SBF1: variants seen among roughly 807,000 people sequenced by gnomAD.
The protein encoded by SBF1 is myotubularin-related protein 5.
In SBF1, 65 loss-of-function variants were observed where a neutral mutation model predicts 215.8. The ratio of observed to expected loss-of-function variants is 0.30; its 90% CI spans 0.25 to 0.37. The LOEUF (loss-of-function observed/expected upper bound fraction) is 0.37. Ranked by LOEUF, SBF1 falls within the 10% of genes least tolerant of loss-of-function variation. The pLI is 1.00. For synonymous variants in SBF1, 1,410 were observed against 1,122.8 expected (o/e 1.26, Z -5.11); for missense variants, 2,634 against 2,667.8 (o/e 0.99, Z 0.28).
intron 28 of SBF1, among the ~76,000 whole-genome samples, 163 bp downstream of exon 28, chr22:50,459,092 G>A (rs532860960): frequency 2.0e-5 from 3 of 152,162 alleles, no homozygotes; most frequent in Non-Finnish European, 2.9e-5. Flanking sequence ...CAGGCTTCCC[G>A]CCCCTGCCCC....
intron 36 of SBF1, among the ~76,000 whole-genome samples, chr22:50,449,591 G>T (rs1173523863): frequency 1.3e-5 from 2 of 150,396 alleles, no homozygotes; most frequent in Non-Finnish European, 2.9e-5. Context: ...CTCCAGCCTG[G>T]GCGGCAAAGT....
At chr22:50,449,104 G>T (rs903202075) in intron 36 of SBF1, among the ~76,000 whole-genome samples, 1 of 152,012 alleles carries the variant, frequency 6.6e-6, no homozygotes, top group Non-Finnish European at 1.5e-5. Context: ...CCTGGGAGGC[G>T]GAGGTTGCGG....
In SBF1 at chr22:50,470,261, T is replaced by C. The variant is rs1023025941; in HGVS notation, c.56-1800A>G. 2.6e-4 allele frequency among the ~76,000 whole-genome samples: 39 copies of C among 152,068 alleles called. 1 individual carries two copies. The highest frequency in any genetic ancestry group is 1.3e-4 in the Non-Finnish European group (9 of 67,984). On this transcript the variant is annotated intron_variant, in intron 1 of 40. Coordinates refer to ENST00000380817, the MANE Select transcript of SBF1 (RefSeq NM_002972.4). ...AGCAGGTGGAGGAAGGAAGAGGGGT[T>C]TATGAACAGGGACAGCAGTCTCTGC... is the stretch of plus-strand genomic sequence containing the variant.
chr22:50,467,477 G>C (rs577935208), intron 4 of SBF1, 29 bp from the exon 5 acceptor site: 4 of 1,613,806 alleles, frequency 2.5e-6, no homozygotes, highest in Non-Finnish European at 3.4e-6. Context: ...GGAGTGGTGG[G>C]ACAGCCGATG....
intron 28 of SBF1, 108 bp downstream of exon 28, chr22:50,459,147 A>G (rs917291103): frequency 4.3e-5 from 62 of 1,436,590 alleles, no homozygotes; most frequent in Non-Finnish European, 5.5e-5. Context: ...CCAAACATCC[A>G]TGACCAGCGC....
intron 19 of SBF1, 32 bp from the exon 20 acceptor site, chr22:50,462,151 C>A (rs372857166): frequency 1.2e-6 from 2 of 1,609,526 alleles, no homozygotes; most frequent in African/African-American, 1.3e-5. Flanking sequence ...GGGCATGGGC[C>A]CTGCCCACCA....
Position 50,461,194 on chromosome 22 carries a change from G to A in SBF1, c.2932C>T (p.Gln978Ter), listed in dbSNP as rs1556425105. The change falls in exon 23 of 41, where the codon CAG becomes TAG. Residue 978 changes from glutamine to a stop codon, truncating the protein, a stop_gained. Coordinates refer to ENST00000380817, the MANE Select transcript of SBF1 (RefSeq NM_002972.4). LOFTEE classifies it high-confidence loss of function. The stretch of plus-strand genomic sequence containing the variant: ...CAGGAGCGCAGCTGGAGCCCGTCCT[G>A]CAGGAGCTGGTCCACAGGGGTCTGG... ...SVQTPVDQLL[Q>*]DGLQLRSCTF... The A allele has an allele frequency of 6.2e-7, 1 of 1,610,392 alleles. No homozygotes were observed. Among genetic ancestry groups the A allele is most frequent in the Non-Finnish European group, 8.5e-7 (1 of 1,178,118 alleles).
chr22:50,446,944 G>T lies in SBF1; in HGVS notation c.*198C>A. Reference sequence around the variant, plus strand: ...TACCTTGGCCACCTCCCGGCACGGTGCTCAGCTGTGACGCCAAAATAAGTT... The same window carrying T: ...TACCTTGGCCACCTCCCGGCACGGTTCTCAGCTGTGACGCCAAAATAAGTT... On this transcript the variant is annotated 3_prime_UTR_variant, in exon 41 of 41. Coordinates refer to ENST00000380817, the MANE Select transcript of SBF1 (RefSeq NM_002972.4). The T allele has an allele frequency of 1.4e-6, 1 of 708,826 alleles. No homozygotes were observed. Among genetic ancestry groups the T allele is most frequent in the Non-Finnish European group, 2.6e-6 (1 of 390,774 alleles). The allele number at this position is 708,826 out of a possible 1,614,324, so 43.9% of individuals were successfully genotyped here. A position where few individuals can be genotyped will look rare whatever the true frequency, so the allele number is the denominator to read the frequency against.
chr22:50,465,585 C>A (rs995518915), intron 10 of SBF1, among the ~76,000 whole-genome samples, 178 bp downstream of exon 10: 1 of 152,240 alleles, frequency 6.6e-6, no homozygotes, highest in African/African-American at 2.4e-5. Context: ...GCCTCGCCTG[C>A]ACCACTCACG....
intron 16 of SBF1, 43 bp from the exon 17 acceptor site, chr22:50,462,981 G>A (rs1464661130): frequency 1.9e-6 from 3 of 1,564,574 alleles, no homozygotes; most frequent in Non-Finnish European, 2.6e-6. Context: ...TCCCCTCCCA[G>A]GCAGCACTCA....
At chr22:50,456,754 G>C (rs1021167729) in intron 29 of SBF1, 81 bp from the exon 30 acceptor site, 48 of 1,258,976 alleles carry the variant, frequency 3.8e-5, no homozygotes, top group Non-Finnish European at 4.6e-5. Flanking sequence ...GGCCTCCAGG[G>C]AGGGGGCTGA....
At chr22:50,453,363 C>T (rs1603430896) in intron 36 of SBF1, among the ~76,000 whole-genome samples, 2 of 152,204 alleles carry the variant, frequency 1.3e-5, no homozygotes, top group Non-Finnish European at 2.9e-5. Context: ...CCATGACTCC[C>T]GTACTCCCCC....
chr22:50,450,923 C>T (rs556953581), intron 36 of SBF1, among the ~76,000 whole-genome samples: 50 of 152,324 alleles, frequency 3.3e-4, no homozygotes, highest in Admixed American at 3.1e-3. Flanking sequence ...GCTTGGGCAA[C>T]ATGGCAAGAC....
In SBF1 at chr22:50,462,881, C is replaced by A. The variant is rs781252590; in HGVS notation, c.1957G>T (p.Ala653Ser). Residue 653 changes from alanine (A) to serine (S), a missense_variant, in exon 17 of 41, where the codon GCC becomes TCC. Transcript: ENST00000380817. The stretch of plus-strand genomic sequence containing the variant: ...ATGCCAGCACTCACCCGGCAGAAGG[C>A]TGTGACCAGAGGCAGCAGAGCCGCC... Reference protein sequence around the residue: ...IAAALLPLVTAFCRKLSPGVT... With the variant: ...IAAALLPLVTSFCRKLSPGVT... 2.5e-6 allele frequency: 4 copies of A among 1,613,050 alleles called. No individual in the cohort carries two copies. The highest frequency in any genetic ancestry group is 3.4e-6 in the Non-Finnish European group (4 of 1,179,942).
Position 50,464,868 on chromosome 22 carries a change from T to G in SBF1, c.1382A>C (p.Gln461Pro), listed in dbSNP as rs369893426. 1 of 1,613,634 alleles carries G rather than the reference T, an allele frequency of 6.2e-7. No homozygotes were observed. Among genetic ancestry groups the G allele is most frequent in the Non-Finnish European group, 8.5e-7 (1 of 1,179,996 alleles). ...TTCCTGGACGTGACGCAGGACACGC[T>G]GGGGGTGGTTCTCATCCGCCCGCAT... ...ARMRADENHP[Q>P]RVLRHVQELA... Residue 461 changes from glutamine (Q) to proline (P), a missense_variant, in exon 13 of 41, where the codon CAG (glutamine) becomes CCG (proline). Gln to Pro is a moderately conservative substitution (Grantham distance 76). Transcript: ENST00000380817.
rs114026853 is a variant in SBF1, at chr22:50,456,970, T to C, written c.3904+64A>G. The stretch of plus-strand genomic sequence containing the variant: ...GACATTAGTGCCCGCAATAACTCAG[T>C]GCACACTAGAGGCCGCCAGCACCAA... On this transcript the variant is annotated intron_variant, in intron 29 of 40. Transcript: ENST00000380817. 2,118 of 1,289,790 alleles carry C rather than the reference T, an allele frequency of 1.6e-3. 44 individuals carry two copies. The African/African-American group carries it at 0.028, about 17-fold the overall frequency. The allele number at this position is 1,289,790 out of a possible 1,614,324, so 79.9% of individuals were successfully genotyped here. A position where few individuals can be genotyped will look rare whatever the true frequency, so the allele number is the denominator to read the frequency against.
At chr22:50,458,602 C>T (rs1392989825) in intron 28 of SBF1, among the ~76,000 whole-genome samples, 1 of 152,256 alleles carries the variant, frequency 6.6e-6, no homozygotes, top group African/African-American at 2.4e-5. Context: ...AACAAAACCA[C>T]TTCTGAACTA....
chr22:50,461,455 G>T, intron 22 of SBF1, 68 bp downstream of exon 22: 5 of 1,517,792 alleles, frequency 3.3e-6, no homozygotes, highest in Non-Finnish European at 3.5e-6. Flanking sequence ...AGGGAGGCAG[G>T]GAAAGCCCAT....
In SBF1 at chr22:50,446,677, A is replaced by C; in HGVS notation, c.*465T>G. ...CATGCAGGCCGAGCTGGGTGGACCC[A>C]GGCACCAGGAGAGGCTCACGAGAAA... On this transcript the variant is annotated 3_prime_UTR_variant, in exon 41 of 41. Coordinates refer to ENST00000380817, the MANE Select transcript of SBF1 (RefSeq NM_002972.4). 2 of 380,198 alleles carry C rather than the reference A, an allele frequency of 5.3e-6. No homozygotes were observed. Among genetic ancestry groups the C allele is most frequent in the Non-Finnish European group, 1.0e-5 (2 of 190,528 alleles). The allele number at this position is 380,198 out of a possible 1,614,324, so 23.6% of individuals were successfully genotyped here. A position where few individuals can be genotyped will look rare whatever the true frequency, so the allele number is the denominator to read the frequency against.
Sources: gnomAD v4.1 joint callset for allele counts (sites outside exome capture counted in the v4.1 genomes callset) on GRCh38, gnomAD v4.1.1 for gene constraint, MANE v1.5 for transcripts, NCBI Gene and HGNC (gene_info 2026-07-23, HGNC 2026-07-21) for gene names.